Variants in NCKAP5 observed in about 807,000 individuals in gnomAD.
The protein encoded by NCKAP5 is nck-associated protein 5.
A neutral mutation model predicts 167.0 loss-of-function variants in NCKAP5; 92 were observed. The observed-to-expected ratio is 0.55, with a 90% CI of 0.47 to 0.66. The LOEUF is 0.66. Ranked by LOEUF, NCKAP5 falls within the 30% of genes least tolerant of loss-of-function variation. The pLI is 0.00. For missense variants in NCKAP5, 2,378 were observed against 2,315.0 expected (o/e 1.03, Z -0.56); for synonymous variants, 891 against 877.4 (o/e 1.02, Z -0.27).
chr2:133,532,997 C>G (rs1438341352), intron 2 of NCKAP5, among the ~76,000 whole-genome samples: 4 of 152,158 alleles, frequency 2.6e-5, no homozygotes, highest in Admixed American at 2.0e-4. Flanking sequence ...ACATAATCAG[C>G]AGGGCTTGTG....
chr2:133,496,430 T>C (rs909483947), intron 3 of NCKAP5, among the ~76,000 whole-genome samples: 2 of 152,242 alleles, frequency 1.3e-5, no homozygotes, highest in East Asian at 3.8e-4. Context: ...ACGAATTTTT[T>C]ATTCCTCTTG....
chr2:133,236,220 T>C (rs2087413425), intron 4 of NCKAP5, among the ~76,000 whole-genome samples: 1 of 152,116 alleles, frequency 6.6e-6, no homozygotes, highest in Admixed American at 6.6e-5. Flanking sequence ...AAGGAGTCTT[T>C]AAGCAGAAAC....
At position 133,406,590 on chromosome 2, in the gene NCKAP5, AAGGGAGGGAGGG is replaced by A. The variant is rs367922202; in HGVS notation, c.70-103492_70-103481del. 2.8e-4 allele frequency among the ~76,000 whole-genome samples: 38 copies of A among 136,720 alleles called. No individual in the cohort carries two copies. In the East Asian group the frequency reaches 6.4e-3, roughly 23 times the overall value. The allele number at this position is 136,720 out of a possible 152,430, so 89.7% of individuals were successfully genotyped here. On this transcript the variant is annotated intron_variant, in intron 3 of 19. Transcript: ENST00000409261. ...AACAAAAAACTTCCAGGAAGGAAGG[AAGGGAGGGAGGG>A]AGGGAGGGAGGGAGGGAAAATAACA... is the stretch of plus-strand genomic sequence containing the variant.
rs539347618 is a variant in NCKAP5, at chr2:133,431,609, T to C, written c.69+85849A>G. 3 of 152,290 alleles carry C rather than the reference T, an allele frequency of 2.0e-5. No homozygotes were observed. In the South Asian group the frequency reaches 6.2e-4, roughly 32 times the overall value. The allele number at this position is 152,290 out of a possible 1,614,324, so 9.4% of individuals were successfully genotyped here. A position where few individuals can be genotyped will look rare whatever the true frequency, so the allele number is the denominator to read the frequency against. ...AGCTTTACGATGCTTGCACAGATAC[T>C]GAGGCACAAAGAACCAGGATAATCT... On this transcript the variant is annotated intron_variant, in intron 3 of 19. Transcript: ENST00000409261.
the NCKAP5 span, among the ~76,000 whole-genome samples, chr2:133,616,250 G>C: frequency 6.9e-6 from 1 of 145,180 alleles, no homozygotes; most frequent in Non-Finnish European, 1.5e-5. Flanking sequence ...AACTAGAAAA[G>C]CAAGAGCAAA....
intron 5 of NCKAP5, among the ~76,000 whole-genome samples, chr2:133,134,041 G>T (rs909939768): frequency 6.6e-6 from 1 of 152,178 alleles, no homozygotes; most frequent in African/African-American, 2.4e-5. Flanking sequence ...TAGGTTTGCC[G>T]ATTGCCTGAT....
At chr2:132,728,574 C>G (rs908586333) in intron 18 of NCKAP5, among the ~76,000 whole-genome samples, 1 of 152,062 alleles carries the variant, frequency 6.6e-6, no homozygotes, top group Non-Finnish European at 1.5e-5. Context: ...GCATCCATAC[C>G]CAAGAATCTG....
chr2:133,115,786 TATATATATATATATA>T (rs1252106895), intron 6 of NCKAP5, among the ~76,000 whole-genome samples: 6 of 80,748 alleles, frequency 7.4e-5, no homozygotes, highest in African/African-American at 4.2e-4. Flanking sequence ...TATATATATA[TATATATATATATATA>T]TATATATATA....
In NCKAP5 at chr2:133,178,504, C is replaced by CAAA. The variant is rs869253241; in HGVS notation, c.207+35209_207+35211dup. Among the ~76,000 whole-genome samples the CAAA allele has an allele frequency of 6.7e-4, 16 of 23,952 alleles. 7 individuals carry two copies. Among genetic ancestry groups the CAAA allele is most frequent in the African/African-American group, 2.9e-3 (11 of 3,760 alleles). The allele number at this position is 23,952 out of a possible 152,430, so 15.7% of individuals were successfully genotyped here. ...TGGGTGACACAATGAGACCCTGTCT[C>CAAA]AAAAAAAAAAAAAAAAAAAAAAAAA... On this transcript the variant is annotated intron_variant, in intron 5 of 19. Transcript: ENST00000409261.
chr2:133,263,234 C>A (rs75090618), intron 4 of NCKAP5, among the ~76,000 whole-genome samples: 2,462 of 151,042 alleles, frequency 0.016, 66 homozygotes, highest in African/African-American at 0.054. Context: ...AAATAATAAC[C>A]AGGAATGCCA....
intron 10 of NCKAP5, among the ~76,000 whole-genome samples, chr2:132,868,294 G>C (rs950173684): frequency 9.9e-5 from 15 of 152,086 alleles, no homozygotes; most frequent in African/African-American, 3.6e-4. Flanking sequence ...AGCCAAATTT[G>C]GGCAAAATTG....
the NCKAP5 span, among the ~76,000 whole-genome samples, chr2:133,645,442 T>C: frequency 1.3e-5 from 2 of 152,154 alleles, no homozygotes; most frequent in African/African-American, 2.4e-5. Context: ...ATACAAAATT[T>C]AAATATTAAA....
chr2:133,087,176 G>C (rs2081021762), intron 6 of NCKAP5, among the ~76,000 whole-genome samples: 1 of 152,164 alleles, frequency 6.6e-6, no homozygotes, highest in Admixed American at 6.5e-5. Flanking sequence ...CTGATACCAA[G>C]AGAGGTTGCT....
chr2:133,376,535 C>T (rs1009257736), intron 3 of NCKAP5, among the ~76,000 whole-genome samples: 16 of 152,108 alleles, frequency 1.1e-4, no homozygotes, highest in African/African-American at 3.4e-4. Context: ...TCACTGAGAC[C>T]GTGGCAGTGA....
chr2:133,576,373 A>T, the NCKAP5 span, among the ~76,000 whole-genome samples: 1 of 152,264 alleles, frequency 6.6e-6, no homozygotes, highest in Non-Finnish European at 1.5e-5. Flanking sequence ...AACAAAGGGC[A>T]GGTAAGCTTG....
chr2:132,770,968 G>A (rs566170631), intron 16 of NCKAP5, among the ~76,000 whole-genome samples: 1 of 152,270 alleles, frequency 6.6e-6, no homozygotes, highest in African/African-American at 2.4e-5. Context: ...GAAAAATCTA[G>A]CACATATAAT....
chr2:132,982,993 C>T (rs777476982), intron 7 of NCKAP5, among the ~76,000 whole-genome samples: 7 of 152,080 alleles, frequency 4.6e-5, no homozygotes, highest in South Asian at 2.1e-4. Context: ...TGATTTCTTT[C>T]GGCAGTGTTT....
intron 5 of NCKAP5, among the ~76,000 whole-genome samples, chr2:133,148,622 G>C (rs917649816): frequency 2.0e-5 from 3 of 152,094 alleles, no homozygotes; most frequent in Non-Finnish European, 4.4e-5. Context: ...CAGTTTTGGA[G>C]TCTGGGAATT....
At chr2:132,738,819 G>A (rs1331971699) in intron 16 of NCKAP5, among the ~76,000 whole-genome samples, 2 of 152,038 alleles carry the variant, frequency 1.3e-5, no homozygotes, top group African/African-American at 4.8e-5. Flanking sequence ...GTGAGTGCCA[G>A]ACTCTTTTAA....
Sources: gnomAD v4.1 joint callset for allele counts (sites outside exome capture counted in the v4.1 genomes callset) on GRCh38, gnomAD v4.1.1 for gene constraint, MANE v1.5 for transcripts, NCBI Gene and HGNC (gene_info 2026-07-23, HGNC 2026-07-21) for gene names.